Variants in DDOST observed in about 807,000 individuals in gnomAD.
DDOST encodes dolichyl-diphosphooligosaccharide--protein glycosyltransferase non-catalytic subunit, also known as dolichyl-diphosphooligosaccharide--protein glycosyltransferase 48 kDa subunit.
Under a neutral mutation model 47.6 loss-of-function variants are expected in DDOST, and 25 were observed. The ratio of observed to expected loss-of-function variants is 0.53; its 90% confidence interval spans 0.38 to 0.73. The LOEUF (loss-of-function observed/expected upper bound fraction) is 0.73, where lower values mean the gene tolerates loss of function less well. DDOST is among the 30% of genes least tolerant of loss of function. DDOST has a pLI of 0.00. For missense variants in DDOST, 526 were observed against 573.9 expected, an observed-to-expected ratio of 0.92 and a Z score of 0.85; for synonymous variants, 275 against 236.0, an observed-to-expected ratio of 1.17 and a Z score of -1.51.
intron 1 of DDOST, 51 bp from the exon 2 acceptor site, chr1:20,661,042 C>G: frequency 6.6e-7 from 1 of 1,516,196 alleles, no homozygotes; most frequent in Non-Finnish European, 9.1e-7. Context: ...GAAGGGAAAC[C>G]CCTGCTGCAG....
Position 20,654,614 on chromosome 1 carries a change from C to G in DDOST, c.645G>C (p.Gln215His), listed in dbSNP as rs867045420. 11 of 1,559,752 alleles carry G rather than the reference C, an allele frequency of 7.1e-6. 1 individual carries two copies. Among genetic ancestry groups the G allele is most frequent in the South Asian group, 4.7e-5 (4 of 84,690 alleles). The change falls in exon 6 of 11, where the codon CAG (glutamine) becomes CAC (histidine). Residue 215 changes from glutamine to histidine, a missense_variant and splice_region_variant. By Grantham distance (24) the Gln-to-His change is conservative. Transcript: ENST00000602624. ...YSFFPDKPITQYPHAVGKNTL... is the reference protein window; with the variant it reads ...YSFFPDKPITHYPHAVGKNTL... ...AGCCTCAAGGTTGTGAAGCCCTTAC[C>G]TGGGTGATAGGCTTGTCCGGGAAGA...
chr1:20,653,494 G>A, intron 8 of DDOST, 133 bp downstream of exon 8: 1 of 902,210 alleles, frequency 1.1e-6, no homozygotes, highest in Non-Finnish European at 1.6e-6. Flanking sequence ...GGCATGCTTA[G>A]GTGTAGGGAT....
intron 5 of DDOST, among the ~76,000 whole-genome samples, chr1:20,655,168 T>TTTG (rs574818877): frequency 1.3e-4 from 4 of 30,266 alleles, no homozygotes; most frequent in Admixed American, 7.5e-4. Flanking sequence ...CCAACTTTTT[T>TTTG]TTGTTTTTTT....
At chr1:20,656,259 G>A in intron 2 of DDOST, 72 bp from the exon 3 acceptor site, 1 of 1,234,614 alleles carries the variant, frequency 8.1e-7, no homozygotes, top group South Asian at 1.2e-5. Context: ...GCAGGGAGGG[G>A]ACATGAAGGG....
At chr1:20,660,336 C>A (rs1570418867) in intron 2 of DDOST, 1 of 152,824 alleles carries the variant, frequency 6.5e-6, no homozygotes, top group East Asian at 1.9e-4. Context: ...ACTGGATAAT[C>A]TGGCCAAGAT....
intron 8 of DDOST, 81 bp downstream of exon 8, chr1:20,653,546 A>G (rs2053323599): frequency 7.2e-7 from 1 of 1,394,988 alleles, no homozygotes; most frequent in African/African-American, 1.4e-5. Flanking sequence ...GCCAGCAAAG[A>G]AGTGTTCAAT....
In DDOST at chr1:20,656,114, G is replaced by C. The variant is rs755012431; in HGVS notation, c.339C>G (p.Ala113=). 4 of 1,613,710 alleles carry C rather than the reference G, an allele frequency of 2.5e-6. No individual in the cohort carries two copies. The African/African-American group carries it at 5.3e-5, about 22-fold the overall frequency. Residue 113 remains alanine (A), a synonymous_variant, in exon 3 of 11, where the codon GCC becomes GCG. Coordinates refer to ENST00000602624, the MANE Select transcript of DDOST (RefSeq NM_005216.5). Reference sequence around the variant, plus strand: ...GGTCGGACTCACCAATGTCGGAGCTGGCAGCTACCAGCACACTGCCTCCGC... The same window carrying C: ...GGTCGGACTCACCAATGTCGGAGCTCGCAGCTACCAGCACACTGCCTCCGC... ...IDGGGSVLVA[A]SSDIGDPLRE...
In DDOST at chr1:20,661,228, C is replaced by T. The variant is rs776581220; in HGVS notation, c.123G>A (p.Glu41=). The T allele has an allele frequency of 1.9e-6, 3 of 1,614,054 alleles. No homozygotes were observed. In the Admixed American group the frequency reaches 5.0e-5, roughly 27 times the overall value. Residue 41 remains glutamate, a synonymous_variant, in exon 1 of 11, where the codon GAG becomes GAA. Transcript: ENST00000602624. ...LVLLDNLNVR[E]THSLFFRSLK... ...GGCTCCGGAAGAAAAGCGAATGAGTCTCCCGCACGTTGAGGTTGTCCAGCA... is the reference window on the plus strand; with the variant it reads ...GGCTCCGGAAGAAAAGCGAATGAGTTTCCCGCACGTTGAGGTTGTCCAGCA...
intron 2 of DDOST, 25 bp from the exon 3 acceptor site, chr1:20,656,212 G>C (rs747320662): frequency 9.4e-6 from 15 of 1,588,914 alleles, no homozygotes; most frequent in Non-Finnish European, 1.1e-5. Flanking sequence ...CAGACACAGT[G>C]ACCCAGAGGT....
chr1:20,653,244 C>T (rs1163123542), intron 8 of DDOST, among the ~76,000 whole-genome samples: 1 of 152,238 alleles, frequency 6.6e-6, no homozygotes, highest in African/African-American at 2.4e-5. Context: ...TGGACCCAAA[C>T]CACCCTCCTG....
In DDOST at chr1:20,661,000, G is replaced by GA. The variant is rs1557574780; in HGVS notation, c.155-10dup. ...GAGCTCAAAGCCCCGGTCTGGACAA[G>GA]AAAAAACAGGTAGTTGAGGAAGACG... is the stretch of plus-strand genomic sequence containing the variant. On this transcript the variant is annotated splice_polypyrimidine_tract_variant and intron_variant, in intron 1 of 10. Transcript: ENST00000602624. The GA allele has an allele frequency of 2.5e-6, 4 of 1,597,894 alleles. No homozygotes were observed. The highest frequency in any genetic ancestry group is 3.4e-6 in the Non-Finnish European group (4 of 1,165,934).
In DDOST at chr1:20,660,862, G is replaced by A. The variant is rs1413059195; in HGVS notation, c.265+19C>T. On this transcript the variant is annotated intron_variant, in intron 2 of 10. Coordinates refer to ENST00000602624, the MANE Select transcript of DDOST (RefSeq NM_005216.5). ...CCGGGTCTCGAATTCCAGTGCTAGG[G>A]GCGACGCGGAACCCTTACCTTCTAC... The A allele has an allele frequency of 3.4e-6, 5 of 1,460,010 alleles. No homozygotes were observed. The African/African-American group carries it at 4.2e-5, about 12-fold the overall frequency. 90.4% of individuals were successfully genotyped at this position (1,460,010 alleles called of 1,614,324 possible).
At position 20,660,892 on chromosome 1, in the gene DDOST, G is replaced by A. The variant is rs1157978750; in HGVS notation, c.254C>T (p.Pro85Leu). The change falls in exon 2 of 11, where the codon CCT becomes CTT. Residue 85 changes from proline to leucine, a missense_variant. Coordinates refer to ENST00000602624, the MANE Select transcript of DDOST (RefSeq NM_005216.5). ...FLYDNLIIFSPSVEDFGGNIN... is the reference protein window; with the variant it reads ...FLYDNLIIFSLSVEDFGGNIN... ...CGCGGAACCCTTACCTTCTACCGAAGGGGAGAAAATGATGAGATTGTCATA... is the reference window on the plus strand; with the variant it reads ...CGCGGAACCCTTACCTTCTACCGAAAGGGAGAAAATGATGAGATTGTCATA... 1.3e-6 allele frequency: 2 copies of A among 1,599,772 alleles called. No individual in the cohort carries two copies. The highest frequency in any genetic ancestry group is 1.7e-4 in the Middle Eastern group (1 of 6,026).
At position 20,651,809 on chromosome 1, in the gene DDOST, A is replaced by ATTTATTTATTTATT. The variant is rs2053289421; in HGVS notation, c.*556_*569dup. ...GCAACATCTCGCTTTATTTTTATTT[A>ATTTATTTATTTATT]TTTATTTATTTATTTATTTATTTAT... On this transcript the variant is annotated 3_prime_UTR_variant, in exon 11 of 11. Coordinates refer to ENST00000602624, the MANE Select transcript of DDOST (RefSeq NM_005216.5). 1 of 53,164 alleles carries ATTTATTTATTTATT rather than the reference A, an allele frequency of 1.9e-5. No homozygotes were observed. Among genetic ancestry groups the ATTTATTTATTTATT allele is most frequent in the East Asian group, 3.9e-4 (1 of 2,568 alleles). 3.3% of individuals were successfully genotyped at this position (53,164 alleles called of 1,614,324 possible).
At chr1:20,654,765 GGAT>G in intron 5 of DDOST, 58 bp from the exon 6 acceptor site, 1 of 1,163,246 alleles carries the variant, frequency 8.6e-7, no homozygotes, top group Non-Finnish European at 1.3e-6. Context: ...CAAGGACATG[GGAT>G]CCCCGAGAGC....
chr1:20,655,108 C>T (rs559200427), intron 5 of DDOST, among the ~76,000 whole-genome samples: 1 of 152,166 alleles, frequency 6.6e-6, no homozygotes, highest in East Asian at 1.9e-4. Context: ...GATCTGCCCA[C>T]CTCAGCCTCC....
chr1:20,652,913 T>C lies in DDOST; in HGVS notation c.1001A>G (p.Asp334Gly), dbSNP rs1399792337. Residue 334 changes from aspartate (D) to glycine (G), a missense_variant, in exon 9 of 11, where the codon GAT becomes GGT. Transcript: ENST00000602624. ...GCGGACAAACTCCAGCTGAATGTCA[T>C]CGCCATCAAAGGGGACCCATTTGCC... is the stretch of plus-strand genomic sequence containing the variant. ...SNGKWVPFDG[D>G]DIQLEFVRID... 6 of 1,614,084 alleles carry C rather than the reference T, an allele frequency of 3.7e-6. No homozygotes were observed. The highest frequency in any genetic ancestry group is 1.3e-5 in the African/African-American group (1 of 74,916).
rs773982629 is a variant in DDOST at position 20,660,910 on chromosome 1, T to C, written c.236A>G (p.Asn79Ser). 56 of 1,612,334 alleles carry C rather than the reference T, an allele frequency of 3.5e-5. No individual in the cohort carries two copies. Among genetic ancestry groups the C allele is most frequent in the Admixed American group, 1.8e-4 (11 of 59,986 alleles). Residue 79 changes from asparagine to serine, a missense_variant, in exon 2 of 11, where the codon AAT (asparagine) becomes AGT (serine). Physicochemically the swap from Asn to Ser is conservative, Grantham distance 46. Transcript: ENST00000602624. ...LIKYGEFLYD[N>S]LIIFSPSVED... is the part of the protein sequence containing the mutation. ...TACCGAAGGGGAGAAAATGATGAGA[T>C]TGTCATAGAGGAATTCCCCATACTT...
Position 20,655,013 on chromosome 1 carries a change from CCAT to C in DDOST, c.552-309_552-307del, listed in dbSNP as rs1163888342. ...TAGCTGGGACTACAGGCACACACCA[CCAT>C]ACCTGTCTAATTTTTGTATTTTTAG... is the stretch of plus-strand genomic sequence containing the variant. On this transcript the variant is annotated intron_variant, in intron 5 of 10. Transcript: ENST00000602624. 2.6e-5 allele frequency among the ~76,000 whole-genome samples: 4 copies of C among 152,210 alleles called. No individual in the cohort carries two copies. In the East Asian group the frequency reaches 5.8e-4, roughly 22 times the overall value.
Sources: allele counts gnomAD v4.1 joint callset (sites outside exome capture counted in the v4.1 genomes callset), GRCh38; gene constraint gnomAD v4.1.1; transcripts MANE v1.5; gene names NCBI Gene and HGNC (gene_info 2026-07-23, HGNC 2026-07-21).